The following ELMO1 variants were observed in gnomAD, a reference collection of about 807,000 sequenced individuals.
ELMO1 encodes the protein engulfment and cell motility 1.
ELMO1 carries 26 observed loss-of-function variants against 98.9 expected under a neutral mutation model. The ratio of observed to expected loss-of-function variants is 0.26; its 90% CI spans 0.19 to 0.36. The LOEUF is 0.36. Among genes scored for constraint, ELMO1 ranks in the 10% least tolerant of loss-of-function variants. ELMO1 has a pLI of 1.00. For missense variants in ELMO1, 627 were observed against 935.2 expected (o/e 0.67, Z 4.30); for synonymous variants, 346 against 346.0 (o/e 1.00, Z 0.00).
At chr7:37,224,184 T>C (rs550799534) in intron 9 of ELMO1, among the ~76,000 whole-genome samples, 6 of 152,362 alleles carry the variant, frequency 3.9e-5, no homozygotes, top group African/African-American at 1.4e-4. Flanking sequence ...TTATTATCAC[T>C]GCAATCCAAA....
At chr7:37,370,092 C>T (rs1013892129) in intron 1 of ELMO1, among the ~76,000 whole-genome samples, 4 of 152,226 alleles carry the variant, frequency 2.6e-5, no homozygotes, top group African/African-American at 9.7e-5. Context: ...GCTCAGGACA[C>T]CACGCCCAGT....
chr7:37,183,163 G>GA (rs1164455844), intron 13 of ELMO1, among the ~76,000 whole-genome samples: 2 of 151,912 alleles, frequency 1.3e-5, no homozygotes, highest in African/African-American at 4.8e-5. Context: ...TGAAGGAAGA[G>GA]AAGCTGCTGA....
chr7:37,370,316 C>T (rs909364174), intron 1 of ELMO1, among the ~76,000 whole-genome samples: 8 of 151,716 alleles, frequency 5.3e-5, no homozygotes, highest in East Asian at 3.9e-4. Context: ...ATTTACGGCT[C>T]TCCACCTCCT....
chr7:37,193,004 T>C (rs1032786048), intron 13 of ELMO1, among the ~76,000 whole-genome samples: 7 of 82,832 alleles, frequency 8.5e-5, no homozygotes, highest in African/African-American at 1.4e-4. Context: ...TATATATATA[T>C]ATATACACAC....
intron 16 of ELMO1, among the ~76,000 whole-genome samples, chr7:36,953,316 C>T (rs553141344): frequency 6.6e-6 from 1 of 152,264 alleles, no homozygotes; most frequent in East Asian, 1.9e-4. Context: ...AGATGGACAT[C>T]ACACAAGAGC....
intron 1 of ELMO1, among the ~76,000 whole-genome samples, chr7:37,438,130 C>T (rs964774397): frequency 2.0e-5 from 3 of 152,184 alleles, no homozygotes; most frequent in African/African-American, 4.8e-5. Context: ...TCCCTGCCAA[C>T]CCCACCTTTC....
chr7:37,010,383 T>A (rs1793461765), intron 16 of ELMO1, among the ~76,000 whole-genome samples: 1 of 152,144 alleles, frequency 6.6e-6, no homozygotes, highest in African/African-American at 2.4e-5. Context: ...GGAATTGGGG[T>A]TGCAGACAGA....
intron 2 of ELMO1, among the ~76,000 whole-genome samples, chr7:37,322,843 C>A (rs958083607): frequency 6.6e-6 from 1 of 151,964 alleles, no homozygotes; most frequent in East Asian, 1.9e-4. Flanking sequence ...GGTATTGAGA[C>A]CAAATTATTT....
chr7:37,171,060 T>C (rs1790120547), intron 13 of ELMO1, among the ~76,000 whole-genome samples: 1 of 152,204 alleles, frequency 6.6e-6, no homozygotes, highest in Non-Finnish European at 1.5e-5. Context: ...AAGTCTTGAG[T>C]TGAAAGTGAT....
At chr7:36,864,736 A>G (rs1222516721) in intron 20 of ELMO1, among the ~76,000 whole-genome samples, 1 of 152,222 alleles carries the variant, frequency 6.6e-6, no homozygotes, top group East Asian at 1.9e-4. Context: ...TTGCCTCCAC[A>G]CACCACAACA....
intron 20 of ELMO1, among the ~76,000 whole-genome samples, chr7:36,869,739 G>A (rs1421292547): frequency 6.6e-6 from 1 of 152,198 alleles, no homozygotes; most frequent in Non-Finnish European, 1.5e-5. Flanking sequence ...TCCCTCCTGT[G>A]CCCTCTGTAA....
chr7:37,135,871 A>G (rs1408245540), intron 13 of ELMO1, among the ~76,000 whole-genome samples: 1 of 152,228 alleles, frequency 6.6e-6, no homozygotes. Flanking sequence ...ATCCAAACCA[A>G]GATTAAATAT....
rs1382412788 is a variant in ELMO1 at position 37,417,765 on chromosome 7, C to T, written c.-74+30910G>A. Among the ~76,000 whole-genome samples the T allele has an allele frequency of 7.9e-5, 12 of 152,262 alleles. No homozygotes were observed. The South Asian group carries it at 1.2e-3, about 16-fold the overall frequency. ...GCTGAGGCAGGAGAATCGCTTGAAC[C>T]TGTGAGGCAGAGGTTGCAGTGAGTC... is the stretch of plus-strand genomic sequence containing the variant. On this transcript the variant is annotated intron_variant, in intron 1 of 21. Transcript: ENST00000310758.
chr7:37,313,085 A>C (rs188458892), intron 4 of ELMO1, among the ~76,000 whole-genome samples: 52 of 152,368 alleles, frequency 3.4e-4, no homozygotes, highest in African/African-American at 1.2e-3. Context: ...TGCAGTATAA[A>C]ATAAATGAAA....
chr7:37,082,069 T>A (rs1223406665), intron 15 of ELMO1, among the ~76,000 whole-genome samples: 2 of 152,218 alleles, frequency 1.3e-5, no homozygotes, highest in African/African-American at 4.8e-5. Context: ...TAGGTATGAC[T>A]TGCAGAAATG....
chr7:37,325,481 C>T (rs1225540356), intron 2 of ELMO1, among the ~76,000 whole-genome samples: 3 of 152,148 alleles, frequency 2.0e-5, no homozygotes, highest in Admixed American at 2.0e-4. Flanking sequence ...AAGCAGAGGA[C>T]AGAAGCGGTC....
At chr7:37,152,741 A>G (rs1788449870) in intron 13 of ELMO1, among the ~76,000 whole-genome samples, 1 of 152,364 alleles carries the variant, frequency 6.6e-6, no homozygotes, top group Admixed American at 6.5e-5. Context: ...TCTGGTTTAA[A>G]AAAGAAGAAA....
At chr7:37,346,858 AC>A (rs1360939939) in intron 1 of ELMO1, among the ~76,000 whole-genome samples, 14 of 152,300 alleles carry the variant, frequency 9.2e-5, no homozygotes, top group African/African-American at 3.4e-4. Context: ...TTGTTTTTCT[AC>A]CCCTTTAACT....
At chr7:37,138,653 G>T (rs1442429710) in intron 13 of ELMO1, among the ~76,000 whole-genome samples, 1 of 152,164 alleles carries the variant, frequency 6.6e-6, no homozygotes, top group Non-Finnish European at 1.5e-5. Context: ...ATTCAAGTAA[G>T]AATTAGTACC....
Sources: gnomAD v4.1 joint callset for allele counts (sites outside exome capture counted in the v4.1 genomes callset) on GRCh38, gnomAD v4.1.1 for gene constraint, MANE v1.5 for transcripts, NCBI Gene and HGNC (gene_info 2026-07-23, HGNC 2026-07-21) for gene names.